The following OSBPL9 variants were observed in gnomAD, a reference collection of about 807,000 sequenced individuals.
OSBPL9 encodes the protein oxysterol-binding protein-related protein 9.
A neutral mutation model predicts 106.6 loss-of-function variants in OSBPL9; 40 were observed. The observed-to-expected ratio is 0.38, with a 90% confidence interval of 0.29 to 0.49. OSBPL9 has a LOEUF of 0.49. OSBPL9 is among the 20% of genes least tolerant of loss of function. OSBPL9 has a pLI of 0.97. For synonymous variants in OSBPL9, 269 were observed against 295.4 expected (o/e 0.91, Z 0.92); for missense variants, 609 against 887.2 (o/e 0.69, Z 3.98).
the OSBPL9 span, among the ~76,000 whole-genome samples, chr1:51,548,394 T>C: frequency 0.53 from 80,449 of 151,546 alleles, 22,836 homozygotes; most frequent in African/African-American, 0.69. Context: ...CCACCACACC[T>C]AGCTTGGTTT....
chr1:51,620,571 C>A (rs1381645325), intron 1 of OSBPL9, among the ~76,000 whole-genome samples: 1 of 151,946 alleles, frequency 6.6e-6, no homozygotes, highest in Non-Finnish European at 1.5e-5. Flanking sequence ...AGAGATTAGC[C>A]GTATGAGCAG....
At chr1:51,683,942 A>G (rs1340225367) in intron 3 of OSBPL9, among the ~76,000 whole-genome samples, 2 of 152,164 alleles carry the variant, frequency 1.3e-5, no homozygotes, top group African/African-American at 4.8e-5. Context: ...AATGTTGGGG[A>G]GATGTTGGTC....
intron 1 of OSBPL9, among the ~76,000 whole-genome samples, chr1:51,631,619 A>G (rs1645111185): frequency 6.6e-6 from 1 of 152,188 alleles, no homozygotes; most frequent in African/African-American, 2.4e-5. Context: ...GTCCAGAATA[A>G]TGGCTGACAA....
chr1:51,552,456 A>G, the OSBPL9 span, among the ~76,000 whole-genome samples: 2 of 152,350 alleles, frequency 1.3e-5, no homozygotes, highest in South Asian at 2.1e-4. Flanking sequence ...TACAGCTAAT[A>G]CATAATGGAG....
upstream of OSBPL9, among the ~76,000 whole-genome samples, chr1:51,614,669 C>T (rs1419036849): frequency 6.6e-6 from 1 of 151,752 alleles, no homozygotes; most frequent in Non-Finnish European, 1.5e-5. Context: ...TTTATTTCTC[C>T]TGTTGCCTGT....
chr1:51,762,988 CTTTT>C (rs1038656877), intron 11 of OSBPL9, among the ~76,000 whole-genome samples: 4 of 152,046 alleles, frequency 2.6e-5, no homozygotes, highest in Non-Finnish European at 5.9e-5. Context: ...TTTGCATTTT[CTTTT>C]TGTTTGTTTA....
intron 4 of OSBPL9, among the ~76,000 whole-genome samples, chr1:51,737,493 AG>A (rs989322128): frequency 1.3e-5 from 2 of 151,220 alleles, no homozygotes; most frequent in African/African-American, 4.9e-5. Flanking sequence ...CCCATTCCCT[AG>A]GGGTAACTGC....
At chr1:51,570,816 C>G in the OSBPL9 span, among the ~76,000 whole-genome samples, 19 of 151,906 alleles carry the variant, frequency 1.3e-4, no homozygotes, top group Non-Finnish European at 2.5e-4. Context: ...ATTATTCGTA[C>G]TTGGTGAGGT....
At chr1:51,573,505 T>A (rs2148596058), upstream of OSBPL9, among the ~76,000 whole-genome samples, 3 of 67,636 alleles carry the variant, frequency 4.4e-5, no homozygotes, top group East Asian at 4.5e-4. Context: ...TGAAACTCCA[T>A]CTCAAAAAAA....
At chr1:51,548,260 T>C in the OSBPL9 span, among the ~76,000 whole-genome samples, 1 of 152,112 alleles carries the variant, frequency 6.6e-6, no homozygotes, top group Admixed American at 6.6e-5. Flanking sequence ...TGGTTTGGAT[T>C]TTTTTTATTT....
the OSBPL9 span, among the ~76,000 whole-genome samples, chr1:51,530,205 A>AAAAAAAAAAG: frequency 7.1e-6 from 1 of 139,890 alleles, no homozygotes; most frequent in African/African-American, 2.6e-5. Context: ...AAAAAAAAAA[A>AAAAAAAAAAG]CCTCTAAGAA....
At chr1:51,578,259 AGTTGT>A (rs1299395917) in intron 1 of OSBPL9, among the ~76,000 whole-genome samples, 3 of 152,226 alleles carry the variant, frequency 2.0e-5, no homozygotes, top group Non-Finnish European at 4.4e-5. Context: ...TTGTAGAAAT[AGTTGT>A]ATAACTTTGG....
intron 23 of OSBPL9, 42 bp from the exon 24 acceptor site, chr1:51,787,673 C>G: frequency 6.2e-7 from 1 of 1,602,350 alleles, no homozygotes; most frequent in South Asian, 1.1e-5. Context: ...TACAGAAGTA[C>G]AAAGCAAATA....
the OSBPL9 span, among the ~76,000 whole-genome samples, chr1:51,532,538 G>A: frequency 2.0e-5 from 3 of 152,200 alleles, no homozygotes; most frequent in Non-Finnish European, 4.4e-5. Context: ...GGATGGACTT[G>A]AAAATGTAGT....
At chr1:51,611,247 A>G (rs2148606212) in intron 2 of OSBPL9, among the ~76,000 whole-genome samples, 1 of 149,936 alleles carries the variant, frequency 6.7e-6, no homozygotes, top group East Asian at 2.0e-4. Context: ...GAAAGGGTGA[A>G]AAAAAAAAAA....
At chr1:51,737,914 A>C (rs1400922257) in intron 4 of OSBPL9, among the ~76,000 whole-genome samples, 1 of 152,080 alleles carries the variant, frequency 6.6e-6, no homozygotes, top group Non-Finnish European at 1.5e-5. Flanking sequence ...TTATTGCCTA[A>C]ACTGGGATAC....
chr1:51,681,512 T>C (rs1028821739), intron 3 of OSBPL9, among the ~76,000 whole-genome samples: 1 of 152,254 alleles, frequency 6.6e-6, no homozygotes, highest in African/African-American at 2.4e-5. Flanking sequence ...TGTATTATGT[T>C]TATTAAACTT....
the OSBPL9 span, among the ~76,000 whole-genome samples, chr1:51,536,180 A>C: frequency 4.9e-4 from 74 of 152,268 alleles, no homozygotes; most frequent in Middle Eastern, 3.4e-3. Flanking sequence ...TCCATACTCA[A>C]ATTTCACTAA....
chr1:51,600,967 C>T (rs948613109), intron 2 of OSBPL9, among the ~76,000 whole-genome samples: 1 of 152,148 alleles, frequency 6.6e-6, no homozygotes, highest in African/African-American at 2.4e-5. Flanking sequence ...CCCTGAATGT[C>T]ACAGGAATTC....
Sources: allele counts gnomAD v4.1 joint callset (sites outside exome capture counted in the v4.1 genomes callset), GRCh38; gene constraint gnomAD v4.1.1; transcripts MANE v1.5; gene names NCBI Gene and HGNC (gene_info 2026-07-23, HGNC 2026-07-21).